Variants in HM13 observed in about 807,000 individuals in gnomAD.
HM13 encodes the protein histocompatibility minor 13, also known as signal peptide peptidase.
Under a neutral mutation model 50.0 loss-of-function variants are expected in HM13, and 18 were observed. The ratio of observed to expected loss-of-function variants is 0.36; its 90% confidence interval spans 0.25 to 0.53. The LOEUF is 0.53. Ranked by LOEUF, HM13 falls within the 20% of genes least tolerant of loss-of-function variation. The pLI is 0.90. For missense variants in HM13, 393 were observed against 552.4 expected (o/e 0.71, Z 2.89); for synonymous variants, 197 against 232.6 (o/e 0.85, Z 1.39).
At position 31,558,076 on chromosome 20, in the gene HM13, GAC is replaced by G. The variant is rs1984413144; in HGVS notation, c.809-1529_809-1528del. On this transcript the variant is annotated intron_variant, in intron 8 of 12. Coordinates refer to ENST00000398174, the MANE Select transcript of HM13 (RefSeq NM_178581.3). ...GAGCCCAGAGCCCAGTAAGGGAGGC[GAC>G]ACACAGGGTGTGCGTATAGCACAGG... 2.0e-5 allele frequency among the ~76,000 whole-genome samples: 3 copies of G among 152,236 alleles called. No individual in the cohort carries two copies. The South Asian group carries it at 6.2e-4, about 31-fold the overall frequency.
rs868249212 is a variant in HM13 at position 31,543,185 on chromosome 20, C to T, written c.366-1762C>T. 3.9e-5 allele frequency among the ~76,000 whole-genome samples: 6 copies of T among 152,356 alleles called. No individual in the cohort carries two copies. The South Asian group carries it at 1.2e-3, about 32-fold the overall frequency. On this transcript the variant is annotated intron_variant, in intron 3 of 12. Transcript: ENST00000398174. ...TCCGATTCTGGCCTTGCACCTGCTG[C>T]GCTTCTCTTCACAAAGCCCTCCCAT...
chr20:31,569,100 GTTT>G lies in HM13; in HGVS notation c.1182-9_1182-7del, dbSNP rs72290697. The G allele has an allele frequency of 2.9e-5, 35 of 1,189,938 alleles. No homozygotes were observed. Among genetic ancestry groups the G allele is most frequent in the Admixed American group, 5.0e-5 (2 of 40,296 alleles). The allele number at this position is 1,189,938 out of a possible 1,614,324, so 73.7% of individuals were successfully genotyped here. A position where few individuals can be genotyped will look rare whatever the true frequency, so the allele number is the denominator to read the frequency against. On this transcript the variant is annotated splice_polypyrimidine_tract_variant and intron_variant, in intron 12 of 12. Transcript: ENST00000398174. The stretch of plus-strand genomic sequence containing the variant: ...CTCCTCTAAATGAATTTTTATTGTT[GTTT>G]TTTTTTTTTTGGTCAGTTATGAGGA...
chr20:31,540,979 C>CA (rs1308956379), intron 3 of HM13: 316 of 102,492 alleles, frequency 3.1e-3, no homozygotes, highest in Middle Eastern at 6.1e-3. Context: ...GACTCCATCT[C>CA]AAAAAAAAAA....
At chr20:31,544,163 T>C (rs6120671) in intron 3 of HM13, among the ~76,000 whole-genome samples, 41,665 of 152,254 alleles carry the variant, frequency 0.27, 8,615 homozygotes, top group African/African-American at 0.58. Context: ...CACAGCCACA[T>C]GGCAGAGCAG....
At position 31,559,753 on chromosome 20, in the gene HM13, C is replaced by G. The variant is rs761746781; in HGVS notation, c.845+106C>G. 6.5e-5 allele frequency: 65 copies of G among 1,002,532 alleles called. No individual in the cohort carries two copies. The East Asian group carries it at 1.5e-3, about 24-fold the overall frequency. The allele number at this position is 1,002,532 out of a possible 1,614,324, so 62.1% of individuals were successfully genotyped here. A position where few individuals can be genotyped will look rare whatever the true frequency, so the allele number is the denominator to read the frequency against. On this transcript the variant is annotated intron_variant, in intron 9 of 12. Transcript: ENST00000398174. Reference sequence around the variant, plus strand: ...CAGGAGACCAGACCCTCCACCCCCACAGCAGCCAGAGCAATTCTGATTTTA... The same window carrying G: ...CAGGAGACCAGACCCTCCACCCCCAGAGCAGCCAGAGCAATTCTGATTTTA...
At position 31,569,368 on chromosome 20, in the gene HM13, G is replaced by A. The variant is rs942438266; in HGVS notation, c.*149G>A. 2 of 529,660 alleles carry A rather than the reference G, an allele frequency of 3.8e-6. No homozygotes were observed. The highest frequency in any genetic ancestry group is 6.3e-5 in the Admixed American group (2 of 31,624). 32.8% of individuals were successfully genotyped at this position (529,660 alleles called of 1,614,324 possible). A position where few individuals can be genotyped will look rare whatever the true frequency, so the allele number is the denominator to read the frequency against. ...GGATACCTCCAGCCAGGCCTCTGTG[G>A]CCTCTGTTTCCTTCTCCCTTTCTTG... is the stretch of plus-strand genomic sequence containing the variant. On this transcript the variant is annotated 3_prime_UTR_variant, in exon 13 of 13. Coordinates refer to ENST00000398174, the MANE Select transcript of HM13 (RefSeq NM_178581.3).
chr20:31,541,582 G>A (rs939830846), intron 3 of HM13: 5 of 151,910 alleles, frequency 3.3e-5, no homozygotes, highest in Admixed American at 6.6e-5. Flanking sequence ...AATTTGATGG[G>A]GACCAAAAAC....
At position 31,548,955 on chromosome 20, in the gene HM13, C is replaced by T. The variant is rs1425027854; in HGVS notation, c.455-74C>T. 3 of 1,321,648 alleles carry T rather than the reference C, an allele frequency of 2.3e-6. No homozygotes were observed. In the African/African-American group the frequency reaches 4.3e-5, roughly 19 times the overall value. The allele number at this position is 1,321,648 out of a possible 1,614,324, so 81.9% of individuals were successfully genotyped here. Reference sequence around the variant, plus strand: ...TCACAGTGCCCACAGCCATGCCCTCCTCCGTCCAGGGGCTGACAGGTGGGA... The same window carrying T: ...TCACAGTGCCCACAGCCATGCCCTCTTCCGTCCAGGGGCTGACAGGTGGGA... On this transcript the variant is annotated intron_variant, in intron 4 of 12. Coordinates refer to ENST00000398174, the MANE Select transcript of HM13 (RefSeq NM_178581.3).
intron 2 of HM13, among the ~76,000 whole-genome samples, chr20:31,535,085 C>CAA (rs977507318): frequency 8.1e-6 from 1 of 123,372 alleles, no homozygotes; most frequent in Non-Finnish European, 1.7e-5. Flanking sequence ...GACTCCGTCT[C>CAA]AAAAAAAAAA....
intron 3 of HM13, chr20:31,538,638 G>A: frequency 8.5e-7 from 1 of 1,174,170 alleles, no homozygotes; most frequent in Non-Finnish European, 1.1e-6. Context: ...ACATGATCGT[G>A]TTTCGTAAGG....
intron 7 of HM13, among the ~76,000 whole-genome samples, chr20:31,553,705 G>C (rs1984151176): frequency 6.6e-6 from 1 of 152,060 alleles, no homozygotes; most frequent in African/African-American, 2.4e-5. Flanking sequence ...ACTAGACACA[G>C]AGGGAGGCGT....
intron 12 of HM13, 36 bp downstream of exon 12, chr20:31,568,260 C>T (rs370898197): frequency 1.2e-6 from 2 of 1,604,292 alleles, no homozygotes; most frequent in Admixed American, 1.7e-5. Flanking sequence ...CCCGCTTCCC[C>T]CTACTGCCCC....
At chr20:31,539,063 C>T (rs774349983) in intron 3 of HM13, 36 of 985,232 alleles carry the variant, frequency 3.7e-5, no homozygotes, top group Non-Finnish European at 4.3e-5. Flanking sequence ...AGAGCCCATC[C>T]TCTTCCCACT....
Position 31,566,290 on chromosome 20 carries a change from G to T in HM13, c.1029G>T (p.Met343Ile). The T allele has an allele frequency of 6.2e-7, 1 of 1,613,766 alleles. No individual in the cohort carries two copies. Among genetic ancestry groups the T allele is most frequent in the Non-Finnish European group, 8.5e-7 (1 of 1,179,676 alleles). ...VALAKGEVTE[M>I]FSYESSAEIL... is the part of the protein sequence containing the mutation. Reference sequence around the variant, plus strand: ...TGGCCAAGGGAGAAGTGACAGAGATGTTCAGGTAAGGCAGAGTGGGGGGCA... The same window carrying T: ...TGGCCAAGGGAGAAGTGACAGAGATTTTCAGGTAAGGCAGAGTGGGGGGCA... The change falls in exon 11 of 13, where the codon ATG becomes ATT. Residue 343 changes from methionine (M) to isoleucine (I), a missense_variant. Met to Ile is a conservative substitution (Grantham distance 10, BLOSUM62 1). Coordinates refer to ENST00000398174, the MANE Select transcript of HM13 (RefSeq NM_178581.3).
chr20:31,516,189 G>A (rs1981761391), intron 1 of HM13, among the ~76,000 whole-genome samples: 1 of 152,136 alleles, frequency 6.6e-6, no homozygotes, highest in African/African-American at 2.4e-5. Flanking sequence ...AGTGTAGAGA[G>A]CAGTTCTGAG....
intron 3 of HM13, chr20:31,540,647 T>G (rs906109738): frequency 6.6e-6 from 1 of 152,162 alleles, no homozygotes; most frequent in Non-Finnish European, 1.5e-5. Flanking sequence ...TTTAGAATAA[T>G]AACTAAGGGA....
chr20:31,556,413 G>T (rs1984318714), intron 8 of HM13, among the ~76,000 whole-genome samples: 1 of 152,162 alleles, frequency 6.6e-6, no homozygotes. Flanking sequence ...ACTTTCCAGG[G>T]TAGGATATTA....
intron 4 of HM13, among the ~76,000 whole-genome samples, chr20:31,546,551 G>C (rs980037179): frequency 3.3e-5 from 5 of 151,754 alleles, no homozygotes; most frequent in African/African-American, 1.2e-4. Context: ...AGGAGTTCCA[G>C]ACCAGCCTGG....
At chr20:31,550,218 C>G (rs1026244719) in intron 7 of HM13, 97 bp downstream of exon 7, 1 of 856,584 alleles carries the variant, frequency 1.2e-6, no homozygotes, top group Non-Finnish European at 2.0e-6. Context: ...CTATCTCTTC[C>G]CCATGTACCT....
Sources: allele counts gnomAD v4.1 joint callset (sites outside exome capture counted in the v4.1 genomes callset), GRCh38; gene constraint gnomAD v4.1.1; transcripts MANE v1.5; gene names NCBI Gene and HGNC (gene_info 2026-07-23, HGNC 2026-07-21).